The following CYP7B1 variants were observed in gnomAD, a reference collection of about 807,000 sequenced individuals.
The protein encoded by CYP7B1 is cytochrome P450 7B1.
CYP7B1 carries 29 observed loss-of-function variants against 42.7 expected under a neutral mutation model. That is an observed-to-expected ratio of 0.68 (90% CI 0.51 to 0.93). The LOEUF is 0.93. Ranked by LOEUF, CYP7B1 falls within the 40% of genes least tolerant of loss-of-function variation. The pLI, the probability that CYP7B1 is intolerant of heterozygous loss-of-function variation, is 0.00. For synonymous variants in CYP7B1, 235 were observed against 218.2 expected (o/e 1.08, Z -0.68); for missense variants, 655 against 600.5 (o/e 1.09, Z -0.95).
intron 2 of CYP7B1, among the ~76,000 whole-genome samples, chr8:64,622,823 T>A (rs1585813102): frequency 6.6e-6 from 1 of 152,110 alleles, no homozygotes; most frequent in African/African-American, 2.4e-5. Context: ...GGAGAAAACA[T>A]GGTAAATCAT....
intron 1 of CYP7B1, among the ~76,000 whole-genome samples, chr8:64,761,791 T>C (rs774787815): frequency 6.6e-6 from 1 of 152,208 alleles, no homozygotes; most frequent in Non-Finnish European, 1.5e-5. Flanking sequence ...AAGTTTTGTT[T>C]CCTAAATAAG....
chr8:64,715,830 C>T (rs1807146887), intron 1 of CYP7B1, among the ~76,000 whole-genome samples: 1 of 152,218 alleles, frequency 6.6e-6, no homozygotes, highest in Non-Finnish European at 1.5e-5. Flanking sequence ...CCTGTAATTA[C>T]AGTTGCAGGG....
At chr8:64,621,732 C>T (rs932389669) in intron 2 of CYP7B1, among the ~76,000 whole-genome samples, 3 of 143,776 alleles carry the variant, frequency 2.1e-5, no homozygotes, top group Non-Finnish European at 3.1e-5. Flanking sequence ...AGAATGCATA[C>T]AATTTTTTTT....
chr8:64,624,400 T>A lies in CYP7B1; in HGVS notation c.259+3A>T. On this transcript the variant is annotated splice_donor_region_variant and intron_variant, in intron 2 of 5. Coordinates refer to ENST00000310193, the MANE Select transcript of CYP7B1 (RefSeq NM_004820.5). ...ATAAGGTATTAATAGAAGTGCTTCT[T>A]ACCACCAAGAAGAACTGTGAAAGTG... is the stretch of plus-strand genomic sequence containing the variant. 6.2e-7 allele frequency: 1 copy of A among 1,613,806 alleles called. No individual in the cohort carries two copies. Among genetic ancestry groups the A allele is most frequent in the Non-Finnish European group, 8.5e-7 (1 of 1,179,868 alleles).
At chr8:64,765,277 G>A (rs1397452730) in intron 1 of CYP7B1, among the ~76,000 whole-genome samples, 3 of 152,096 alleles carry the variant, frequency 2.0e-5, no homozygotes, top group East Asian at 3.9e-4. Flanking sequence ...CTAATCTTGC[G>A]GCCTTAGACA....
At chr8:64,768,923 T>C (rs1182884687) in intron 1 of CYP7B1, among the ~76,000 whole-genome samples, 2 of 152,192 alleles carry the variant, frequency 1.3e-5, no homozygotes, top group African/African-American at 4.8e-5. Flanking sequence ...AACTGCAAAC[T>C]CTATGAGTTT....
chr8:64,666,399 AG>A (rs1181370038), intron 1 of CYP7B1, among the ~76,000 whole-genome samples: 10 of 152,222 alleles, frequency 6.6e-5, no homozygotes, highest in Non-Finnish European at 1.2e-4. Flanking sequence ...TTTAAAATAT[AG>A]AATATTATAT....
chr8:64,765,827 G>A (rs1397749329), intron 1 of CYP7B1, among the ~76,000 whole-genome samples: 2 of 152,124 alleles, frequency 1.3e-5, no homozygotes, highest in Admixed American at 1.3e-4. Context: ...TCGGCCCAGA[G>A]TGCATGTACC....
At chr8:64,720,691 G>A (rs1807222834) in intron 1 of CYP7B1, among the ~76,000 whole-genome samples, 1 of 152,100 alleles carries the variant, frequency 6.6e-6, no homozygotes, top group South Asian at 2.1e-4. Flanking sequence ...TATATACCAT[G>A]TGCATACTTT....
intron 1 of CYP7B1, among the ~76,000 whole-genome samples, chr8:64,746,861 T>C (rs1428354959): frequency 1.3e-5 from 2 of 152,056 alleles, no homozygotes; most frequent in Admixed American, 6.6e-5. Flanking sequence ...AGTAACTACC[T>C]TCTGTGGAAT....
In CYP7B1 at chr8:64,623,625, G is replaced by A. The variant is rs184992056; in HGVS notation, c.259+778C>T. Reference sequence around the variant, plus strand: ...TAGCTTCTCCTCCCAGTCCTAGAATGTTTGGGGTGTGTAGCAATTCTGCTG... The same window carrying A: ...TAGCTTCTCCTCCCAGTCCTAGAATATTTGGGGTGTGTAGCAATTCTGCTG... On this transcript the variant is annotated intron_variant, in intron 2 of 5. Coordinates refer to ENST00000310193, the MANE Select transcript of CYP7B1 (RefSeq NM_004820.5). 3.5e-4 allele frequency among the ~76,000 whole-genome samples: 54 copies of A among 152,324 alleles called. 1 individual carries two copies. The highest frequency in any genetic ancestry group is 3.1e-3 in the Admixed American group (48 of 15,302).
chr8:64,611,527 G>A (rs1348260790), intron 4 of CYP7B1, among the ~76,000 whole-genome samples: 4 of 151,612 alleles, frequency 2.6e-5, no homozygotes, highest in African/African-American at 7.3e-5. Flanking sequence ...ACTCACAATC[G>A]GCTTCAAAAT....
chr8:64,609,476 C>T (rs1337990742), intron 4 of CYP7B1, among the ~76,000 whole-genome samples: 2 of 152,146 alleles, frequency 1.3e-5, no homozygotes, highest in Non-Finnish European at 2.9e-5. Flanking sequence ...AATCATTCTT[C>T]CACATAACAA....
intron 1 of CYP7B1, among the ~76,000 whole-genome samples, chr8:64,780,692 G>T (rs890389569): frequency 3.3e-5 from 5 of 152,072 alleles, no homozygotes; most frequent in Admixed American, 6.6e-5. Context: ...CAGTAACCTG[G>T]AGTAGTTTCA....
At chr8:64,652,610 C>T (rs933462164) in intron 1 of CYP7B1, among the ~76,000 whole-genome samples, 21 of 152,052 alleles carry the variant, frequency 1.4e-4, no homozygotes, top group African/African-American at 4.6e-4. Flanking sequence ...TTTGGGAGGC[C>T]GAGGCAGGCG....
chr8:64,782,104 T>G (rs1314848517), intron 1 of CYP7B1, among the ~76,000 whole-genome samples: 3 of 152,106 alleles, frequency 2.0e-5, no homozygotes, highest in Non-Finnish European at 4.4e-5. Context: ...TTTGGATCCA[T>G]GTTCATTTTA....
chr8:64,678,456 T>TA (rs1045461565), intron 1 of CYP7B1, among the ~76,000 whole-genome samples: 40 of 152,186 alleles, frequency 2.6e-4, no homozygotes, highest in Middle Eastern at 6.8e-3. Flanking sequence ...CCTAGTCTGA[T>TA]AAAAAACCTC....
chr8:64,726,729 C>A (rs572100839), intron 1 of CYP7B1, among the ~76,000 whole-genome samples: 1 of 152,278 alleles, frequency 6.6e-6, no homozygotes, highest in African/African-American at 2.4e-5. Context: ...GGGAGAATTT[C>A]TTTTGGAAAC....
chr8:64,750,723 G>C (rs1420676608), intron 1 of CYP7B1, among the ~76,000 whole-genome samples: 1 of 152,182 alleles, frequency 6.6e-6, no homozygotes, highest in Non-Finnish European at 1.5e-5. Context: ...ACTTAATACT[G>C]AGTTGAACTT....
Sources: gnomAD v4.1 joint callset for allele counts (sites outside exome capture counted in the v4.1 genomes callset) on GRCh38, gnomAD v4.1.1 for gene constraint, MANE v1.5 for transcripts, NCBI Gene and HGNC (gene_info 2026-07-23, HGNC 2026-07-21) for gene names.